DAB1: variants seen among roughly 807,000 people sequenced by gnomAD.
DAB1 encodes disabled homolog 1.
A neutral mutation model predicts 64.6 loss-of-function variants in DAB1; 15 were observed. The observed-to-expected ratio is 0.23, with a 90% CI of 0.16 to 0.36. The LOEUF (loss-of-function observed/expected upper bound fraction) is 0.36. Among genes scored for constraint, DAB1 ranks in the 10% least tolerant of loss-of-function variants. DAB1 has a pLI of 1.00. For missense variants in DAB1, 596 were observed against 706.7 expected, an observed-to-expected ratio of 0.84 and a Z score of 1.78; for synonymous variants, 235 against 251.9, an observed-to-expected ratio of 0.93 and a Z score of 0.64.
At chr1:57,624,245 T>C (rs1185672334) in intron 7 of DAB1, among the ~76,000 whole-genome samples, 2 of 152,242 alleles carry the variant, frequency 1.3e-5, no homozygotes, top group Non-Finnish European at 2.9e-5. Flanking sequence ...TAACAGGTTG[T>C]AAATCCTTAT....
intron 9 of DAB1, among the ~76,000 whole-genome samples, chr1:57,061,760 C>T (rs1297319396): frequency 1.3e-5 from 2 of 152,188 alleles, no homozygotes; most frequent in African/African-American, 4.8e-5. Context: ...AGTTTCACAT[C>T]CCCTTGTTAA....
At chr1:57,008,704 T>A (rs1646171488) in intron 14 of DAB1, among the ~76,000 whole-genome samples, 1 of 152,180 alleles carries the variant, frequency 6.6e-6, no homozygotes, top group Admixed American at 6.5e-5. Flanking sequence ...ATATTTTTTT[T>A]AAGCTGAATT....
intron 5 of DAB1, among the ~76,000 whole-genome samples, chr1:58,097,707 G>C (rs1228559974): frequency 1.4e-4 from 22 of 152,192 alleles, no homozygotes. Flanking sequence ...TCCGAGGTAG[G>C]GGGTGTTGGT....
intron 9 of DAB1, among the ~76,000 whole-genome samples, chr1:57,061,074 A>G (rs1160382190): frequency 1.3e-5 from 2 of 152,118 alleles, no homozygotes; most frequent in African/African-American, 4.8e-5. Flanking sequence ...GGGCCTGATG[A>G]GGTGCAAAGG....
chr1:57,787,991 A>T (rs1569686772), intron 6 of DAB1, among the ~76,000 whole-genome samples: 1 of 7,992 alleles, frequency 1.3e-4, no homozygotes, highest in African/African-American at 6.5e-4. Context: ...ATTAAATATT[A>T]AAAAAAAAAC....
chr1:57,732,713 G>C (rs1647493332), intron 6 of DAB1, among the ~76,000 whole-genome samples: 1 of 152,150 alleles, frequency 6.6e-6, no homozygotes, highest in Admixed American at 6.5e-5. Flanking sequence ...GCTGACTGCT[G>C]TCCGGGACAG....
At chr1:57,397,545 A>G (rs925816250) in intron 1 of DAB1, among the ~76,000 whole-genome samples, 2 of 152,196 alleles carry the variant, frequency 1.3e-5, no homozygotes, top group Non-Finnish European at 2.9e-5. Flanking sequence ...GGCTCTGAGG[A>G]AAGGAGCTAA....
At chr1:58,281,928 G>A (rs76679534) in intron 4 of DAB1, among the ~76,000 whole-genome samples, 3,411 of 151,804 alleles carry the variant, frequency 0.022, 252 homozygotes, top group East Asian at 0.22. Context: ...CACTACCACC[G>A]CCATCATCAC....
chr1:57,010,763 T>C lies in DAB1; in HGVS notation c.1600A>G (p.Ser534Gly), dbSNP rs1646240471. 1 of 1,595,998 alleles carries C rather than the reference T, an allele frequency of 6.3e-7. No individual in the cohort carries two copies. Residue 534 changes from serine to glycine, a missense_variant, in exon 14 of 15, where the codon AGT becomes GGT. Ser to Gly is a moderately conservative substitution (Grantham distance 56). Coordinates refer to ENST00000371236, the MANE Select transcript of DAB1 (RefSeq NM_001365792.1). ...APDGSQASSN[S>G]DPFGEPSGEP... is the part of the protein sequence containing the mutation. ...CCACTGGGCTCACCAAATGGATCAC[T>C]GTTGGATGAGGCCTGTGATCCATCA...
intron 9 of DAB1, among the ~76,000 whole-genome samples, chr1:57,057,314 C>T (rs1317507952): frequency 6.6e-6 from 1 of 152,076 alleles, no homozygotes; most frequent in Non-Finnish European, 1.5e-5. Context: ...GTGCATAGAA[C>T]CCCTCTTTTT....
At chr1:57,202,951 G>C (rs1476284624) in intron 2 of DAB1, among the ~76,000 whole-genome samples, 1 of 152,128 alleles carries the variant, frequency 6.6e-6, no homozygotes, top group Non-Finnish European at 1.5e-5. Context: ...AAAATTTCCA[G>C]TACAACAAAG....
intron 5 of DAB1, among the ~76,000 whole-genome samples, chr1:58,042,378 C>A (rs1647149873): frequency 6.6e-6 from 1 of 152,156 alleles, no homozygotes; most frequent in African/African-American, 2.4e-5. Context: ...TATTTGATAT[C>A]TACTGTGTAT....
intron 3 of DAB1, among the ~76,000 whole-genome samples, chr1:57,142,370 G>T (rs1316148568): frequency 6.6e-6 from 1 of 152,108 alleles, no homozygotes; most frequent in Non-Finnish European, 1.5e-5. Context: ...GCCAAATGGA[G>T]AATTGATCAT....
rs1458622772 is a variant in DAB1 at position 58,126,512 on chromosome 1, T to C, written n.387+23999A>G. On this transcript the variant is annotated intron_variant and non_coding_transcript_variant, in intron 5 of 20. Transcript: ENST00000485760. ...GGGTACATGTGCACATTGTGCAGGT[T>C]AGTTACATATGTATACATGTGCCAT... Among the ~76,000 whole-genome samples, 9 of 152,004 alleles carry C rather than the reference T, an allele frequency of 5.9e-5. No individual in the cohort carries two copies. In the East Asian group the frequency reaches 1.4e-3, roughly 23 times the overall value.
chr1:57,034,891 A>C (rs911206555), intron 9 of DAB1, among the ~76,000 whole-genome samples: 1 of 152,126 alleles, frequency 6.6e-6, no homozygotes, highest in African/African-American at 2.4e-5. Context: ...TGTGACTGTT[A>C]CTTCCCTCAG....
intron 5 of DAB1, among the ~76,000 whole-genome samples, chr1:57,999,850 G>C (rs1646480179): frequency 1.3e-5 from 2 of 151,056 alleles, no homozygotes; most frequent in African/African-American, 4.9e-5. Context: ...AAAGACAAAA[G>C]AGGGAAGAAA....
At chr1:57,287,174 C>T (rs1672383885) in intron 2 of DAB1, among the ~76,000 whole-genome samples, 1 of 152,206 alleles carries the variant, frequency 6.6e-6, no homozygotes. Flanking sequence ...TGGGCTCAAG[C>T]CATCCTCCCA....
At chr1:58,264,571 T>C (rs1329285197) in intron 4 of DAB1, among the ~76,000 whole-genome samples, 1 of 152,236 alleles carries the variant, frequency 6.6e-6, no homozygotes, top group African/African-American at 2.4e-5. Context: ...CGTGATGATT[T>C]AGGGGCATAA....
chr1:58,402,420 C>T (rs1056797637), intron 3 of DAB1, among the ~76,000 whole-genome samples: 1 of 152,134 alleles, frequency 6.6e-6, no homozygotes, highest in African/African-American at 2.4e-5. Context: ...TTAGTGACCA[C>T]AAATAGGCAT....
Sources: allele counts gnomAD v4.1 joint callset (sites outside exome capture counted in the v4.1 genomes callset), GRCh38; gene constraint gnomAD v4.1.1; transcripts MANE v1.5; gene names NCBI Gene and HGNC (gene_info 2026-07-23, HGNC 2026-07-21).